The following CDC42SE2 variants were observed in gnomAD, a reference collection of about 807,000 sequenced individuals.
The protein encoded by CDC42SE2 is CDC42 small effector protein 2.
A neutral mutation model predicts 11.5 loss-of-function variants in CDC42SE2; 3 were observed. That is an observed-to-expected ratio of 0.26 (90% CI 0.12 to 0.67). The LOEUF (loss-of-function observed/expected upper bound fraction) is 0.67. CDC42SE2 is among the 30% of genes least tolerant of loss of function. The pLI is 0.80. For missense variants in CDC42SE2, 82 were observed against 106.8 expected, an observed-to-expected ratio of 0.77 and a Z score of 1.02; for synonymous variants, 33 against 34.8, an observed-to-expected ratio of 0.95 and a Z score of 0.18.
chr5:131,316,810 A>T (rs1758048501), intron 2 of CDC42SE2, among the ~76,000 whole-genome samples: 1 of 152,132 alleles, frequency 6.6e-6, no homozygotes, highest in South Asian at 2.1e-4. Context: ...GAATTTTCTT[A>T]TTGTTTAAGC....
chr5:131,279,312 G>T (rs1241984803), intron 1 of CDC42SE2, among the ~76,000 whole-genome samples: 1 of 152,054 alleles, frequency 6.6e-6, no homozygotes, highest in Non-Finnish European at 1.5e-5. Context: ...TTCCAAAGCA[G>T]GCACAAAAGA....
intron 2 of CDC42SE2, among the ~76,000 whole-genome samples, chr5:131,357,372 T>A (rs1453651981): frequency 6.6e-6 from 1 of 152,246 alleles, no homozygotes; most frequent in Non-Finnish European, 1.5e-5. Context: ...CTACCCAGAT[T>A]TGTGACACTG....
intron 2 of CDC42SE2, among the ~76,000 whole-genome samples, chr5:131,325,111 CCCT>C (rs1328845565): frequency 6.6e-6 from 1 of 152,048 alleles, no homozygotes; most frequent in Non-Finnish European, 1.5e-5. Flanking sequence ...TTGGAGTTTT[CCCT>C]CTTATAATAA....
chr5:131,384,575 C>T (rs928001220), intron 3 of CDC42SE2, among the ~76,000 whole-genome samples: 10 of 152,094 alleles, frequency 6.6e-5, no homozygotes, highest in African/African-American at 2.4e-4. Flanking sequence ...CTCCCAATAA[C>T]ATTATCATAT....
chr5:131,225,117 G>C, the CDC42SE2 span, among the ~76,000 whole-genome samples: 1 of 152,178 alleles, frequency 6.6e-6, no homozygotes, highest in African/African-American at 2.4e-5. Flanking sequence ...TGAAATCGAA[G>C]TGGTGGCCCA....
At position 131,384,209 on chromosome 5, in the gene CDC42SE2, T is replaced by G. The variant is rs73253032; in HGVS notation, c.55-1334T>G. Among the ~76,000 whole-genome samples the G allele has an allele frequency of 6.3e-3, 960 of 152,350 alleles. 15 individuals carry two copies. Among genetic ancestry groups the G allele is most frequent in the African/African-American group, 0.021 (858 of 41,574 alleles). The stretch of plus-strand genomic sequence containing the variant: ...GAAAAGCGTCAGGGTTTTTTGTGGT[T>G]GTTGTTTCTATCTATGACAATATAA... On this transcript the variant is annotated intron_variant, in intron 3 of 4. Transcript: ENST00000505065.
chr5:131,381,760 T>G (rs1347512963), intron 3 of CDC42SE2, among the ~76,000 whole-genome samples: 2 of 152,244 alleles, frequency 1.3e-5, no homozygotes, highest in African/African-American at 4.8e-5. Flanking sequence ...TTTCCACCTA[T>G]AGCTATTGTG....
chr5:131,347,292 T>C (rs926718525), intron 2 of CDC42SE2, among the ~76,000 whole-genome samples: 33 of 151,772 alleles, frequency 2.2e-4, no homozygotes, highest in South Asian at 4.2e-4. Context: ...ATCAAATAGA[T>C]GCAATAAAAA....
At chr5:131,307,084 A>T (rs1360035499) in intron 1 of CDC42SE2, among the ~76,000 whole-genome samples, 1 of 151,430 alleles carries the variant, frequency 6.6e-6, no homozygotes, top group Non-Finnish European at 1.5e-5. Context: ...TTATTATTAT[A>T]CTTTAAGTTT....
chr5:131,285,306 C>T (rs942369829), intron 1 of CDC42SE2, among the ~76,000 whole-genome samples: 4 of 151,894 alleles, frequency 2.6e-5, no homozygotes, highest in African/African-American at 7.3e-5. Flanking sequence ...AACCCAAAAC[C>T]GTAAAACCAA....
chr5:131,334,308 G>T (rs544454803), intron 2 of CDC42SE2, among the ~76,000 whole-genome samples: 6 of 152,254 alleles, frequency 3.9e-5, no homozygotes, highest in Admixed American at 1.3e-4. Context: ...ATCCCAGGGA[G>T]GAAGCCCACT....
At chr5:131,334,911 AC>A (rs1483303324) in intron 2 of CDC42SE2, among the ~76,000 whole-genome samples, 1 of 152,116 alleles carries the variant, frequency 6.6e-6, no homozygotes. Context: ...CTTTTCAAAA[AC>A]ACCAACTCCT....
chr5:131,301,347 CAAAG>C (rs914473980), intron 1 of CDC42SE2, among the ~76,000 whole-genome samples: 67 of 152,034 alleles, frequency 4.4e-4, no homozygotes, highest in African/African-American at 1.6e-3. Flanking sequence ...GTTCCCAACA[CAAAG>C]AAATGATAAA....
chr5:131,254,428 G>A (rs1465824136), intron 1 of CDC42SE2, among the ~76,000 whole-genome samples: 4 of 151,880 alleles, frequency 2.6e-5, no homozygotes, highest in Non-Finnish European at 5.9e-5. Context: ...TGTAATCCCA[G>A]CCACTCGGGA....
At chr5:131,385,495 GTTGC>G in intron 3 of CDC42SE2, 44 bp from the exon 4 acceptor site, 11 of 1,336,820 alleles carry the variant, frequency 8.2e-6, no homozygotes, top group Non-Finnish European at 1.2e-5. Context: ...ATCAGAATAA[GTTGC>G]TCATAAGATC....
At chr5:131,350,341 CAAAA>C (rs148702602) in intron 2 of CDC42SE2, among the ~76,000 whole-genome samples, 1 of 147,324 alleles carries the variant, frequency 6.8e-6, no homozygotes, top group South Asian at 2.1e-4. Flanking sequence ...TATAAAAATA[CAAAA>C]AAAAAGAAAA....
At chr5:131,295,583 C>G (rs1757554196) in intron 1 of CDC42SE2, among the ~76,000 whole-genome samples, 1 of 151,944 alleles carries the variant, frequency 6.6e-6, no homozygotes, top group Non-Finnish European at 1.5e-5. Context: ...TTTATAAATG[C>G]ATGGAATCTT....
At chr5:131,388,385 A>G (rs533497060) in intron 4 of CDC42SE2, among the ~76,000 whole-genome samples, 1 of 152,362 alleles carries the variant, frequency 6.6e-6, no homozygotes, top group South Asian at 2.1e-4. Flanking sequence ...CAATGCAATA[A>G]TAAATAAGAA....
At chr5:131,375,296 A>G (rs560904535) in intron 3 of CDC42SE2, among the ~76,000 whole-genome samples, 99 of 150,048 alleles carry the variant, frequency 6.6e-4, no homozygotes, top group Non-Finnish European at 1.2e-3. Context: ...AAGCTGCAAA[A>G]TACATACTGA....
Sources: gnomAD v4.1 joint callset for allele counts (sites outside exome capture counted in the v4.1 genomes callset) on GRCh38, gnomAD v4.1.1 for gene constraint, MANE v1.5 for transcripts, NCBI Gene and HGNC (gene_info 2026-07-23, HGNC 2026-07-21) for gene names.